Variants in TNFRSF10B observed in about 807,000 individuals in gnomAD.
TNFRSF10B encodes the protein tumor necrosis factor receptor superfamily member 10B.
TNFRSF10B carries 35 observed loss-of-function variants against 41.4 expected under a neutral mutation model. The observed-to-expected ratio is 0.85, with a 90% CI of 0.65 to 1.12. TNFRSF10B has a LOEUF of 1.12. Among genes scored for constraint, TNFRSF10B ranks in the 50% most tolerant of loss-of-function variants. The pLI is 0.00. For missense variants in TNFRSF10B, 584 were observed against 552.7 expected (o/e 1.06, Z -0.57); for synonymous variants, 230 against 215.5 (o/e 1.07, Z -0.59).
chr8:23,034,465 G>A (rs1811972086), intron 2 of TNFRSF10B, among the ~76,000 whole-genome samples: 2 of 152,226 alleles, frequency 1.3e-5, no homozygotes, highest in Non-Finnish European at 2.9e-5. Context: ...GGTGGCTCAT[G>A]TCTGTAATTC....
intron 1 of TNFRSF10B, among the ~76,000 whole-genome samples, chr8:23,048,942 A>T (rs1159826043): frequency 1.3e-5 from 2 of 152,220 alleles, no homozygotes; most frequent in Non-Finnish European, 2.9e-5. Flanking sequence ...AAAAAATTTT[A>T]AAAAGGGCAA....
Position 23,023,132 on chromosome 8 carries a change from T to A in TNFRSF10B, c.1010-148A>T, listed in dbSNP as rs1585204199. 4 of 1,042,128 alleles carry A rather than the reference T, an allele frequency of 3.8e-6. No individual in the cohort carries two copies. The South Asian group carries it at 5.4e-5, about 14-fold the overall frequency. 64.6% of individuals were successfully genotyped at this position (1,042,128 alleles called of 1,614,324 possible). A position where few individuals can be genotyped will look rare whatever the true frequency, so the allele number is the denominator to read the frequency against. On this transcript the variant is annotated intron_variant, in intron 8 of 8. Coordinates refer to ENST00000276431, the MANE Select transcript of TNFRSF10B (RefSeq NM_003842.5). ...CGCTCCAGTGCCCACCCGCTTCCCA[T>A]CCACAGAGAGCGCGCCCACACTGCC...
intron 7 of TNFRSF10B, 78 bp downstream of exon 7, chr8:23,027,055 G>A: frequency 6.2e-7 from 1 of 1,601,390 alleles, no homozygotes; most frequent in African/African-American, 1.3e-5. Flanking sequence ...GAGAGCTAAG[G>A]CACTGCCCTC....
At chr8:23,052,079 C>T (rs1009994348) in intron 1 of TNFRSF10B, among the ~76,000 whole-genome samples, 9 of 151,698 alleles carry the variant, frequency 5.9e-5, no homozygotes, top group African/African-American at 2.2e-4. Flanking sequence ...TGACAACTAT[C>T]GCAGTTTTCA....
At chr8:23,055,678 T>G (rs1812643871) in intron 1 of TNFRSF10B, among the ~76,000 whole-genome samples, 1 of 152,086 alleles carries the variant, frequency 6.6e-6, no homozygotes, top group African/African-American at 2.4e-5. Flanking sequence ...CAAGTTTTAT[T>G]GGGGGTTTTG....
chr8:23,056,389 C>G (rs1053998602), intron 1 of TNFRSF10B, among the ~76,000 whole-genome samples: 1 of 152,138 alleles, frequency 6.6e-6, no homozygotes, highest in African/African-American at 2.4e-5. Context: ...GTGTGGCTCA[C>G]GCCTGTAATC....
rs138851047 is a variant in TNFRSF10B, at chr8:23,027,224, G to T, written c.845C>A (p.Thr282Asn). The T allele has an allele frequency of 1.3e-4, 216 of 1,614,188 alleles. No homozygotes were observed. Among genetic ancestry groups the T allele is most frequent in the Middle Eastern group, 9.9e-4 (6 of 6,060 alleles). ...TTCCATTTCCTGCTCAGGGACCTGG[G>T]TGGGCTGCAAGATACTCACGATCTC... Reference protein sequence around the residue: ...LNEIVSILQPTQVPEQEMEVQ... With the variant: ...LNEIVSILQPNQVPEQEMEVQ... Residue 282 changes from threonine to asparagine, a missense_variant, in exon 7 of 9, where the codon ACC becomes AAC. Physicochemically the swap from Thr to Asn is moderately conservative, Grantham distance 65 (BLOSUM62 0). Coordinates refer to ENST00000276431, the MANE Select transcript of TNFRSF10B (RefSeq NM_003842.5).
chr8:23,051,563 A>G (rs1311666471), intron 1 of TNFRSF10B, among the ~76,000 whole-genome samples: 9 of 146,258 alleles, frequency 6.2e-5, no homozygotes, highest in Non-Finnish European at 1.0e-4. Flanking sequence ...TTTTTTTTTT[A>G]AGATGGAGTC....
In TNFRSF10B at chr8:23,028,742, C is replaced by T. The variant is rs193018100; in HGVS notation, c.477-140G>A. On this transcript the variant is annotated intron_variant, in intron 4 of 8. Transcript: ENST00000276431. ...CAGTCTCCTCGTGTCAGCAGTGGGTCCCCCTGTGCTCCCTTCTTGAGGCTG... is the reference window on the plus strand; with the variant it reads ...CAGTCTCCTCGTGTCAGCAGTGGGTTCCCCTGTGCTCCCTTCTTGAGGCTG... 225 of 1,054,176 alleles carry T rather than the reference C, an allele frequency of 2.1e-4. No homozygotes were observed. The East Asian group carries it at 5.1e-3, about 24-fold the overall frequency. The allele number at this position is 1,054,176 out of a possible 1,614,324, so 65.3% of individuals were successfully genotyped here.
At chr8:23,027,948 A>C (rs947645622) in intron 5 of TNFRSF10B, 195 bp from the exon 6 acceptor site, 1 of 655,948 alleles carries the variant, frequency 1.5e-6, no homozygotes, top group East Asian at 2.7e-5. Flanking sequence ...TAGAGTAAAA[A>C]CAAACACTTG....
intron 5 of TNFRSF10B, 90 bp downstream of exon 5, chr8:23,028,241 G>T (rs1811768913): frequency 1.3e-6 from 2 of 1,581,354 alleles, no homozygotes; most frequent in Middle Eastern, 2.2e-4. Flanking sequence ...TTAGACTTGG[G>T]GCAGGGGCAG....
At chr8:23,023,445 C>T (rs1031632403) in intron 8 of TNFRSF10B, among the ~76,000 whole-genome samples, 3 of 152,172 alleles carry the variant, frequency 2.0e-5, no homozygotes, top group East Asian at 1.9e-4. Flanking sequence ...TCACCCAGCT[C>T]GGCCTCACTT....
Position 23,028,333 on chromosome 8 carries a change from G to A in TNFRSF10B, c.746C>T (p.Ser249Leu), listed in dbSNP as rs758010626. The A allele has an allele frequency of 2.5e-6, 4 of 1,614,046 alleles. No homozygotes were observed. The highest frequency in any genetic ancestry group is 2.2e-5 in the South Asian group (2 of 90,978). ...KVLPYLKGIC[S>L]GGGGDPERVD... ...CCCCGCCCTCAGCCAGCACCTACCT[G>A]AGCAGATGCCTTTCAGGTAAGGAAG... is the stretch of plus-strand genomic sequence containing the variant. The change falls in exon 5 of 9, where the codon TCA becomes TTA. Residue 249 changes from serine (S) to leucine (L), a missense_variant and splice_region_variant. Ser to Leu is a moderately radical substitution (Grantham distance 145, BLOSUM62 -2). Coordinates refer to ENST00000276431, the MANE Select transcript of TNFRSF10B (RefSeq NM_003842.5).
At chr8:23,035,508 CATT>C (rs1292464328) in intron 2 of TNFRSF10B, among the ~76,000 whole-genome samples, 1 of 152,154 alleles carries the variant, frequency 6.6e-6, no homozygotes, top group Admixed American at 6.5e-5. Flanking sequence ...ATACTGATGA[CATT>C]ATACTGATTG....
intron 1 of TNFRSF10B, among the ~76,000 whole-genome samples, chr8:23,051,985 G>T (rs1016095792): frequency 6.6e-6 from 1 of 152,104 alleles, no homozygotes; most frequent in African/African-American, 2.4e-5. Context: ...TACCTTGTAG[G>T]TTAGAAGGAA....
intron 7 of TNFRSF10B, among the ~76,000 whole-genome samples, 194 bp downstream of exon 7, chr8:23,026,939 A>G (rs1319335702): frequency 6.6e-6 from 1 of 152,116 alleles, no homozygotes; most frequent in Admixed American, 6.5e-5. Flanking sequence ...CAGGACAGGG[A>G]GTAAGAAGCA....
At chr8:23,038,278 C>T (rs887643623) in intron 2 of TNFRSF10B, among the ~76,000 whole-genome samples, 15 of 152,188 alleles carry the variant, frequency 9.9e-5, no homozygotes, top group Non-Finnish European at 1.5e-4. Flanking sequence ...ATAGCTCAGA[C>T]CCTTCAGGAA....
At chr8:23,068,390 G>A (rs746514907) in intron 1 of TNFRSF10B, 1 of 339,434 alleles carries the variant, frequency 2.9e-6, no homozygotes, top group Non-Finnish European at 5.4e-6. Context: ...GGAAAGAAAG[G>A]AAGAAAGAGA....
chr8:23,030,040 G>A (rs1811834745), intron 3 of TNFRSF10B, among the ~76,000 whole-genome samples: 1 of 152,098 alleles, frequency 6.6e-6, no homozygotes. Flanking sequence ...CTGAGAGACT[G>A]CAAGGAGAGG....
Sources: allele counts gnomAD v4.1 joint callset (sites outside exome capture counted in the v4.1 genomes callset), GRCh38; gene constraint gnomAD v4.1.1; transcripts MANE v1.5; gene names NCBI Gene and HGNC (gene_info 2026-07-23, HGNC 2026-07-21).